Variants in MAST4 observed in about 807,000 individuals in gnomAD.
MAST4 encodes microtubule-associated serine/threonine-protein kinase 4.
A neutral mutation model predicts 162.7 loss-of-function variants in MAST4; 89 were observed. The ratio of observed to expected loss-of-function variants is 0.55; its 90% confidence interval spans 0.46 to 0.65. The LOEUF (loss-of-function observed/expected upper bound fraction) is 0.65. MAST4 is among the 30% of genes least tolerant of loss of function. The pLI is 0.00. For missense variants in MAST4, 3,153 were observed against 3,374.0 expected, an observed-to-expected ratio of 0.93 and a Z score of 1.62; for synonymous variants, 1,479 against 1,361.1, an observed-to-expected ratio of 1.09 and a Z score of -1.91.
At chr5:66,899,788 A>G (rs1212630470) in intron 3 of MAST4, among the ~76,000 whole-genome samples, 163 bp from the exon 4 acceptor site, 1 of 152,170 alleles carries the variant, frequency 6.6e-6, no homozygotes, top group East Asian at 1.9e-4. Context: ...GAACCGTGTA[A>G]GAAGGGATCC....
rs140636324 is a variant in MAST4 at position 66,631,228 on chromosome 5, C to T, written c.363+34210C>T. 1.5e-3 allele frequency among the ~76,000 whole-genome samples: 224 copies of T among 152,228 alleles called. 1 individual carries two copies. Among genetic ancestry groups the T allele is most frequent in the African/African-American group, 5.2e-3 (217 of 41,522 alleles). On this transcript the variant is annotated intron_variant, in intron 1 of 28. Transcript: ENST00000403625. Reference sequence around the variant, plus strand: ...TCAACAAATAAAATCTGTGAGTTGCCATAAATGGACTGAACTGACTTTTTG... The same window carrying T: ...TCAACAAATAAAATCTGTGAGTTGCTATAAATGGACTGAACTGACTTTTTG...
intron 1 of MAST4, among the ~76,000 whole-genome samples, chr5:66,608,215 C>T (rs1743026614): frequency 6.6e-6 from 1 of 151,630 alleles, no homozygotes; most frequent in South Asian, 2.1e-4. Flanking sequence ...GCCACCATGC[C>T]TGGCTAATTT....
Position 67,054,400 on chromosome 5 carries a change from A to T in MAST4, c.675-4A>T. 1 of 1,599,226 alleles carries T rather than the reference A, an allele frequency of 6.3e-7. No homozygotes were observed. Among genetic ancestry groups the T allele is most frequent in the Non-Finnish European group, 8.5e-7 (1 of 1,173,112 alleles). ...AAACTTTGTTTTTTCTTTCTTTTTG[A>T]TAGTTGCCGAACAAGCAACCGGAAA... On this transcript the variant is annotated splice_polypyrimidine_tract_variant and splice_region_variant and intron_variant, in intron 4 of 28. Transcript: ENST00000403625.
chr5:67,135,525 T>C (rs1259394552), intron 18 of MAST4, among the ~76,000 whole-genome samples: 1 of 152,222 alleles, frequency 6.6e-6, no homozygotes, highest in Non-Finnish European at 1.5e-5. Flanking sequence ...TCATTTTGCA[T>C]ATGAGGGGCC....
At chr5:66,667,303 G>A (rs941761001) in intron 1 of MAST4, among the ~76,000 whole-genome samples, 1 of 152,144 alleles carries the variant, frequency 6.6e-6, no homozygotes, top group Non-Finnish European at 1.5e-5. Context: ...TCTTCTTTCA[G>A]ATGGCCCCTC....
At chr5:66,680,517 G>C (rs190004335) in intron 1 of MAST4, among the ~76,000 whole-genome samples, 20 of 152,220 alleles carry the variant, frequency 1.3e-4, no homozygotes, top group African/African-American at 4.6e-4. Flanking sequence ...GAAGGCTGGC[G>C]CTAACCACAG....
chr5:66,999,922 T>C (rs1018841421), intron 4 of MAST4, among the ~76,000 whole-genome samples: 1 of 152,212 alleles, frequency 6.6e-6, no homozygotes. Context: ...ATTTTAGCAT[T>C]GTGAGTGCAA....
At chr5:66,751,230 G>A (rs1396015068) in intron 1 of MAST4, among the ~76,000 whole-genome samples, 8 of 152,104 alleles carry the variant, frequency 5.3e-5, no homozygotes, top group African/African-American at 7.2e-5. Flanking sequence ...ACTCTAAAAA[G>A]CAGAGCGCCT....
In MAST4 at chr5:67,166,452, C is replaced by T; in HGVS notation, c.7273C>T (p.Gln2425Ter). The change falls in exon 29 of 29, where the codon CAG (glutamine) becomes TAG (stop). Residue 2425 changes from glutamine (Q) to a stop codon, truncating the protein, a stop_gained. Transcript: ENST00000403625. LOFTEE classifies it low-confidence loss of function (END_TRUNC). ...GGCCAGAGGGAAAGGGCCCGGTCCC[C>T]AGAAGCCACCGACGGAGGCAGACAA... ...PEARGKGPGPQKPPTEADKPN... is the reference protein window; with the variant it reads ...PEARGKGPGP 6.2e-7 allele frequency: 1 copy of T among 1,601,992 alleles called. No individual in the cohort carries two copies. Among genetic ancestry groups the T allele is most frequent in the Non-Finnish European group, 8.5e-7 (1 of 1,173,922 alleles).
intron 13 of MAST4, 132 bp downstream of exon 13, chr5:67,118,881 T>C (rs2150944452): frequency 6.5e-6 from 4 of 613,396 alleles, no homozygotes; most frequent in Middle Eastern, 3.2e-4. Flanking sequence ...AGAATATGGA[T>C]AAGATCTATG....
chr5:66,652,269 C>G (rs1746275479), intron 1 of MAST4, among the ~76,000 whole-genome samples: 1 of 152,154 alleles, frequency 6.6e-6, no homozygotes, highest in African/African-American at 2.4e-5. Flanking sequence ...ATCTGAAACT[C>G]TGAGGTCAAA....
intron 4 of MAST4, among the ~76,000 whole-genome samples, chr5:66,946,409 T>C (rs1744031894): frequency 6.6e-6 from 1 of 152,172 alleles, no homozygotes; most frequent in African/African-American, 2.4e-5. Flanking sequence ...TAATTCTAAA[T>C]TTTAGTTTCT....
chr5:66,937,438 G>A (rs1742872695), intron 4 of MAST4, among the ~76,000 whole-genome samples: 1 of 152,086 alleles, frequency 6.6e-6, no homozygotes, highest in Non-Finnish European at 1.5e-5. Flanking sequence ...TAATGGATCG[G>A]GCATTTATTT....
At chr5:66,920,331 T>G (rs905427852) in intron 4 of MAST4, among the ~76,000 whole-genome samples, 4 of 152,116 alleles carry the variant, frequency 2.6e-5, no homozygotes, top group Non-Finnish European at 5.9e-5. Flanking sequence ...TATAAAAAAT[T>G]AGAGTATATT....
At chr5:66,683,299 G>T (rs961615057) in intron 1 of MAST4, among the ~76,000 whole-genome samples, 1 of 152,166 alleles carries the variant, frequency 6.6e-6, no homozygotes, top group African/African-American at 2.4e-5. Context: ...ACTCTTGGAT[G>T]CCCCTTTGGA....
chr5:67,084,809 A>G (rs889198278), intron 5 of MAST4, among the ~76,000 whole-genome samples: 9 of 152,138 alleles, frequency 5.9e-5, no homozygotes, highest in Admixed American at 1.3e-4. Context: ...AGCATTGTTG[A>G]CTGGTTTGAA....
intron 1 of MAST4, among the ~76,000 whole-genome samples, chr5:66,728,302 A>C (rs1294347303): frequency 6.6e-6 from 1 of 152,140 alleles, no homozygotes; most frequent in Non-Finnish European, 1.5e-5. Flanking sequence ...ACAGTATAGA[A>C]ATTTCCATGG....
intron 3 of MAST4, among the ~76,000 whole-genome samples, chr5:66,862,217 T>C (rs1166659436): frequency 6.6e-6 from 1 of 152,238 alleles, no homozygotes; most frequent in Non-Finnish European, 1.5e-5. Context: ...GTTGAAAATT[T>C]TATTCTGCCT....
intron 2 of MAST4, among the ~76,000 whole-genome samples, chr5:66,782,230 A>C (rs1007484637): frequency 3.3e-5 from 5 of 151,150 alleles, no homozygotes; most frequent in African/African-American, 1.2e-4. Context: ...TGGAGGTTGC[A>C]GGGAGCCGAG....
Sources: gnomAD v4.1 joint callset for allele counts (sites outside exome capture counted in the v4.1 genomes callset) on GRCh38, gnomAD v4.1.1 for gene constraint, MANE v1.5 for transcripts, NCBI Gene and HGNC (gene_info 2026-07-23, HGNC 2026-07-21) for gene names.